Variants in PAXIP1 observed in about 807,000 individuals in gnomAD.
The protein encoded by PAXIP1 is PAX-interacting protein 1.
PAXIP1 carries 19 observed loss-of-function variants against 140.6 expected under a neutral mutation model. The observed-to-expected ratio is 0.14, with a 90% CI of 0.09 to 0.20. The LOEUF is 0.20. Ranked by LOEUF, PAXIP1 falls within the 10% of genes least tolerant of loss-of-function variation. The pLI is 1.00. For synonymous variants in PAXIP1, 442 were observed against 444.6 expected, an observed-to-expected ratio of 0.99 and a Z score of 0.07; for missense variants, 920 against 1,208.6, an observed-to-expected ratio of 0.76 and a Z score of 3.54.
intron 16 of PAXIP1, chr7:154,948,947 G>A (rs149442187): frequency 3.5e-4 from 54 of 152,122 alleles, no homozygotes; most frequent in African/African-American, 1.2e-3. Flanking sequence ...AAAGACTTCT[G>A]ACAATTATTA....
At chr7:154,944,277 G>T in intron 20 of PAXIP1, 113 bp from the exon 21 acceptor site, 2 of 901,700 alleles carry the variant, frequency 2.2e-6, no homozygotes, top group Non-Finnish European at 1.7e-6. Context: ...GAATGCTACA[G>T]CCTCTTTCTT....
chr7:154,950,904 T>C (rs1808243481), intron 16 of PAXIP1: 1 of 152,178 alleles, frequency 6.6e-6, no homozygotes, highest in African/African-American at 2.4e-5. Flanking sequence ...ATTCCCAATA[T>C]GTAACATTCT....
Position 154,963,999 on chromosome 7 carries a change from G to C in PAXIP1, c.1894-233C>G, listed in dbSNP as rs1229913943. 1.2e-5 allele frequency: 6 copies of C among 483,616 alleles called. No homozygotes were observed. The East Asian group carries it at 2.3e-4, about 18-fold the overall frequency. 30.0% of individuals were successfully genotyped at this position (483,616 alleles called of 1,614,324 possible). ...TCTGAATTCCCAGGATACAAGAGAA[G>C]AACAATGGAATGCACTCCAGGGCTT... On this transcript the variant is annotated intron_variant, in intron 8 of 20. Coordinates refer to ENST00000404141, the MANE Select transcript of PAXIP1 (RefSeq NM_007349.4). The surrounding 1 kb of genome is among the most constrained non-coding windows in gnomAD (Gnocchi z 4.1).
At chr7:154,950,043 T>C (rs1808205342) in intron 16 of PAXIP1, 2 of 152,198 alleles carry the variant, frequency 1.3e-5, no homozygotes, top group African/African-American at 4.8e-5. Context: ...AGACTCAACC[T>C]GAACATTAAA....
At chr7:154,990,477 C>T (rs1810280795) in intron 4 of PAXIP1, among the ~76,000 whole-genome samples, 1 of 152,230 alleles carries the variant, frequency 6.6e-6, no homozygotes, top group Non-Finnish European at 1.5e-5. Flanking sequence ...AGTCTGTCCT[C>T]AGCATCTCCA....
intron 5 of PAXIP1, among the ~76,000 whole-genome samples, chr7:154,977,934 GTA>G (rs1211823620): frequency 8.1e-6 from 1 of 123,644 alleles, no homozygotes; most frequent in South Asian, 2.4e-4. Flanking sequence ...ACTTTTTAAT[GTA>G]CATTTTCGAA....
Position 154,986,058 on chromosome 7 carries a change from G to A in PAXIP1, c.325-2726C>T, listed in dbSNP as rs752623163. On this transcript the variant is annotated intron_variant, in intron 4 of 20. Transcript: ENST00000404141. This position sits in a 1 kb window ranked among gnomAD's most constrained non-coding sequence, Gnocchi z 4.8. ...GAGGCCTCAGCCTGCATCAATACCGGGTCAGAAGAAGGCAGATGATCTCTG... is the reference window on the plus strand; with the variant it reads ...GAGGCCTCAGCCTGCATCAATACCGAGTCAGAAGAAGGCAGATGATCTCTG... The A allele has an allele frequency of 7.3e-7, 1 of 1,365,216 alleles. No individual in the cohort carries two copies. The highest frequency in any genetic ancestry group is 1.1e-5 in the South Asian group (1 of 87,552). The allele number at this position is 1,365,216 out of a possible 1,614,324, so 84.6% of individuals were successfully genotyped here.
intron 16 of PAXIP1, chr7:154,950,496 T>C (rs571705578): frequency 6.6e-6 from 1 of 152,396 alleles, no homozygotes; most frequent in South Asian, 2.1e-4. Context: ...CTGAGGAGGA[T>C]GTGGAGCAAC....
chr7:154,951,632 C>T (rs1372563213), intron 16 of PAXIP1: 1 of 151,542 alleles, frequency 6.6e-6, no homozygotes, highest in Admixed American at 6.6e-5. Context: ...TACTTATTAA[C>T]AGTGCCATAA....
intron 1 of PAXIP1, 84 bp downstream of exon 1, chr7:155,002,765 G>T (rs1279710091): frequency 1.2e-5 from 9 of 742,776 alleles, no homozygotes; most frequent in Non-Finnish European, 1.6e-5. Flanking sequence ...GCGCGCCCGC[G>T]GCAGGAGCGG....
At chr7:154,971,880 A>G (rs772526147) in intron 6 of PAXIP1, among the ~76,000 whole-genome samples, 1 of 152,184 alleles carries the variant, frequency 6.6e-6, no homozygotes, top group Non-Finnish European at 1.5e-5. Context: ...CATTTTCTTC[A>G]CATCTAGAAG....
At position 155,002,787 on chromosome 7, in the gene PAXIP1, G is replaced by GGGACGGGGAC. The variant is rs1023996373; in HGVS notation, c.81+52_81+61dup. 1,427 of 963,636 alleles carry GGGACGGGGAC rather than the reference G, an allele frequency of 1.5e-3. 16 individuals are homozygous for GGGACGGGGAC. The African/African-American group carries it at 0.022, about 15-fold the overall frequency. 59.7% of individuals were successfully genotyped at this position (963,636 alleles called of 1,614,324 possible). ...CGCGGCAGGAGCGGGGACGGGGACG[G>GGGACGGGGAC]GGACGGGGACGGACGGGGACGCGGA... On this transcript the variant is annotated intron_variant, in intron 1 of 20. Coordinates refer to ENST00000404141, the MANE Select transcript of PAXIP1 (RefSeq NM_007349.4).
Position 154,956,062 on chromosome 7 carries a change from A to G in PAXIP1, c.2550-431T>C, listed in dbSNP as rs1489168139. On this transcript the variant is annotated intron_variant, in intron 14 of 20. Coordinates refer to ENST00000404141, the MANE Select transcript of PAXIP1 (RefSeq NM_007349.4). The surrounding 1 kb of genome is among the most constrained non-coding windows in gnomAD (Gnocchi z 4.2). The stretch of plus-strand genomic sequence containing the variant: ...GCCATTCCTTGTTTGCACGTTCACC[A>G]TCAATACAAGTCAGCCAAGACGAGT... Among the ~76,000 whole-genome samples, 2 of 152,258 alleles carry G rather than the reference A, an allele frequency of 1.3e-5. No homozygotes were observed. The highest frequency in any genetic ancestry group is 2.9e-5 in the Non-Finnish European group (2 of 68,048).
intron 3 of PAXIP1, among the ~76,000 whole-genome samples, chr7:154,991,523 G>C (rs560943885): frequency 6.6e-6 from 1 of 152,334 alleles, no homozygotes; most frequent in East Asian, 1.9e-4. Context: ...ATAAGAGCTT[G>C]ATTGAGCTCT....
chr7:154,959,988 G>C (rs1002468317), intron 12 of PAXIP1, 55 bp from the exon 13 acceptor site: 12 of 1,197,548 alleles, frequency 1.0e-5, no homozygotes, highest in Middle Eastern at 1.9e-4. Context: ...AAATAAAAAG[G>C]CCTTTTTATA....
At position 154,957,214 on chromosome 7, in the gene PAXIP1, T is replaced by C; in HGVS notation, c.2549+10A>G. On this transcript the variant is annotated intron_variant, in intron 14 of 20. Coordinates refer to ENST00000404141, the MANE Select transcript of PAXIP1 (RefSeq NM_007349.4). ...GCCAGCAATGAAAAATTTAAGGTTA[T>C]TACTCATACCTGGCTCTTTTGGAAG... The C allele has an allele frequency of 6.4e-7, 1 of 1,553,810 alleles. No homozygotes were observed. Among genetic ancestry groups the C allele is most frequent in the Non-Finnish European group, 8.8e-7 (1 of 1,132,294 alleles).
rs1347171436 is a variant in PAXIP1 at position 154,946,831 on chromosome 7, T to C, written c.2923-18A>G. On this transcript the variant is annotated intron_variant, in intron 17 of 20. Transcript: ENST00000404141. This position sits in a 1 kb window ranked among gnomAD's most constrained non-coding sequence, Gnocchi z 4.9. ...TATTTTGCCTAAAATTAAATGAAAATATATGTATTATGTTCTTAAAATGCT... is the reference window on the plus strand; with the variant it reads ...TATTTTGCCTAAAATTAAATGAAAACATATGTATTATGTTCTTAAAATGCT... The C allele has an allele frequency of 6.6e-7, 1 of 1,507,492 alleles. No homozygotes were observed. The highest frequency in any genetic ancestry group is 9.1e-7 in the Non-Finnish European group (1 of 1,104,722). The allele number at this position is 1,507,492 out of a possible 1,614,324, so 93.4% of individuals were successfully genotyped here.
chr7:154,945,420 G>A (rs763616754), intron 20 of PAXIP1: 9 of 429,594 alleles, frequency 2.1e-5, no homozygotes, highest in African/African-American at 8.5e-5. Flanking sequence ...GTATTTAAAT[G>A]TAAATATACT....
intron 5 of PAXIP1, among the ~76,000 whole-genome samples, 156 bp from the exon 6 acceptor site, chr7:154,976,487 A>C (rs1399274820): frequency 6.6e-6 from 1 of 152,260 alleles, no homozygotes; most frequent in African/African-American, 2.4e-5. Flanking sequence ...TTGATCTTTT[A>C]GACAGAGGAC....
Sources: allele counts gnomAD v4.1 joint callset (sites outside exome capture counted in the v4.1 genomes callset), GRCh38; gene constraint gnomAD v4.1.1; non-coding constraint Gnocchi (gnomAD v3.1); transcripts MANE v1.5; gene names NCBI Gene and HGNC (gene_info 2026-07-23, HGNC 2026-07-21).